ADGRV1: variants seen among roughly 807,000 people sequenced by gnomAD.
The protein encoded by ADGRV1 is G-protein coupled receptor 98.
A neutral mutation model predicts 596.2 loss-of-function variants in ADGRV1; 359 were observed. The ratio of observed to expected loss-of-function variants is 0.60; its 90% CI spans 0.55 to 0.66. The LOEUF (loss-of-function observed/expected upper bound fraction) is 0.66. Ranked by LOEUF, ADGRV1 falls within the 30% of genes least tolerant of loss-of-function variation. ADGRV1 has a pLI of 0.00. For synonymous variants in ADGRV1, 2,681 were observed against 2,679.2 expected (o/e 1.00, Z -0.02); for missense variants, 7,274 against 7,575.6 (o/e 0.96, Z 1.48).
chr5:90,866,542 G>A (rs1768130118), intron 83 of ADGRV1, among the ~76,000 whole-genome samples: 1 of 152,002 alleles, frequency 6.6e-6, no homozygotes, highest in African/African-American at 2.4e-5. Flanking sequence ...ATGGCGTTCA[G>A]TAAAAAACTT....
At chr5:90,739,678 G>T (rs1317243725) in intron 50 of ADGRV1, among the ~76,000 whole-genome samples, 2 of 152,202 alleles carry the variant, frequency 1.3e-5, no homozygotes, top group Admixed American at 1.3e-4. Context: ...GTTGTAGATT[G>T]TCTTCTCTGG....
chr5:91,080,893 A>AGAG (rs1789299466), intron 86 of ADGRV1, among the ~76,000 whole-genome samples: 1 of 152,226 alleles, frequency 6.6e-6, no homozygotes, highest in African/African-American at 2.4e-5. Context: ...TGTAATTGGT[A>AGAG]CAGAATGCAG....
At chr5:90,776,426 A>G (rs756159224) in intron 60 of ADGRV1, 27 bp from the exon 61 acceptor site, 5 of 1,593,986 alleles carry the variant, frequency 3.1e-6, no homozygotes, top group Middle Eastern at 1.7e-4. Flanking sequence ...ACCTGCTACA[A>G]AGTGGTCTAT....
intron 83 of ADGRV1, among the ~76,000 whole-genome samples, chr5:90,887,225 C>T (rs1187174116): frequency 3.9e-5 from 6 of 152,114 alleles, no homozygotes; most frequent in African/African-American, 1.2e-4. Flanking sequence ...GCCTTGGAAC[C>T]TTTGTGGGTG....
chr5:91,109,376 G>A (rs72784667), intron 87 of ADGRV1, among the ~76,000 whole-genome samples: 1,787 of 152,296 alleles, frequency 0.012, 22 homozygotes, highest in Non-Finnish European at 0.017. Flanking sequence ...ATGTGAGCAT[G>A]ATCATGATAA....
chr5:90,814,989 C>CTT (rs1238899710), intron 74 of ADGRV1, among the ~76,000 whole-genome samples: 3 of 29,548 alleles, frequency 1.0e-4, no homozygotes, highest in African/African-American at 2.5e-4. Flanking sequence ...CCAGTTTAAA[C>CTT]ATTTTTTTTT....
chr5:90,654,201 A>G, intron 20 of ADGRV1: 1 of 499,380 alleles, frequency 2.0e-6, no homozygotes, highest in Non-Finnish European at 3.6e-6. Context: ...GATGTGTGAT[A>G]TATCACAATG....
chr5:90,958,553 T>C (rs1777707604), intron 83 of ADGRV1, among the ~76,000 whole-genome samples: 1 of 152,062 alleles, frequency 6.6e-6, no homozygotes, highest in African/African-American at 2.4e-5. Flanking sequence ...ACACTAATTT[T>C]CTCACAGTTT....
intron 73 of ADGRV1, among the ~76,000 whole-genome samples, chr5:90,808,301 T>TA (rs1263908825): frequency 2.5e-4 from 38 of 152,356 alleles, no homozygotes; most frequent in African/African-American, 8.7e-4. Context: ...AGGGCAGACC[T>TA]GCTATTCAGA....
At chr5:90,918,735 G>A (rs1188501342) in intron 83 of ADGRV1, among the ~76,000 whole-genome samples, 1 of 152,140 alleles carries the variant, frequency 6.6e-6, no homozygotes, top group Non-Finnish European at 1.5e-5. Flanking sequence ...TTCCTCCCAT[G>A]TATATTTACT....
intron 1 of ADGRV1, among the ~76,000 whole-genome samples, chr5:90,582,854 C>A (rs1202238437): frequency 6.6e-6 from 1 of 152,182 alleles, no homozygotes; most frequent in Non-Finnish European, 1.5e-5. Context: ...ACAGGTGCAA[C>A]CCTCCATGCC....
intron 83 of ADGRV1, among the ~76,000 whole-genome samples, chr5:90,880,190 A>T (rs1427344127): frequency 6.6e-6 from 1 of 152,118 alleles, no homozygotes; most frequent in Non-Finnish European, 1.5e-5. Flanking sequence ...TCTGCTCATG[A>T]TCCCATAGCT....
intron 85 of ADGRV1, among the ~76,000 whole-genome samples, chr5:91,005,828 GT>G (rs1782224409): frequency 6.6e-6 from 1 of 152,072 alleles, no homozygotes; most frequent in Non-Finnish European, 1.5e-5. Context: ...CTCAAAACCA[GT>G]TATATCATTT....
In ADGRV1 at chr5:90,627,744, G is replaced by A. The variant is rs2149377771; in HGVS notation, c.1206G>A (p.Arg402=). The A allele has an allele frequency of 6.3e-7, 1 of 1,578,456 alleles. No homozygotes were observed. The highest frequency in any genetic ancestry group is 8.6e-7 in the Non-Finnish European group (1 of 1,161,992). Residue 402 remains arginine (R), a synonymous_variant, in exon 7 of 90, where the codon AGG becomes AGA. Transcript: ENST00000405460. ...CATTCAACAGTGTTTTGTTTGAAAG[G>A]ACAGTTATAATTGATGAAGATAGAA... ...VLSFNSVLFE[R]TVIIDEDRIS...
chr5:90,891,996 A>C (rs1201691135), intron 83 of ADGRV1, among the ~76,000 whole-genome samples: 1 of 151,964 alleles, frequency 6.6e-6, no homozygotes, highest in African/African-American at 2.4e-5. Flanking sequence ...ATGCACTTTA[A>C]GTTTCATCCT....
At chr5:90,618,808 T>C (rs1254480466) in intron 3 of ADGRV1, among the ~76,000 whole-genome samples, 1 of 151,814 alleles carries the variant, frequency 6.6e-6, no homozygotes, top group Non-Finnish European at 1.5e-5. Flanking sequence ...TAATTTATAA[T>C]ATAGTATTAT....
At chr5:90,725,442 AT>A in intron 47 of ADGRV1, 106 bp from the exon 48 acceptor site, 1 of 751,422 alleles carries the variant, frequency 1.3e-6, no homozygotes, top group Non-Finnish European at 2.2e-6. Context: ...TGGTATTAAA[AT>A]TTTTTAAGTC....
chr5:91,135,321 C>T (rs1484330535), intron 87 of ADGRV1, among the ~76,000 whole-genome samples: 1 of 152,106 alleles, frequency 6.6e-6, no homozygotes, highest in Non-Finnish European at 1.5e-5. Context: ...CATGCACACG[C>T]ATACATACAT....
chr5:90,995,994 A>T (rs1038873229), intron 85 of ADGRV1, among the ~76,000 whole-genome samples: 3 of 152,252 alleles, frequency 2.0e-5, no homozygotes, highest in African/African-American at 4.8e-5. Context: ...GCTCATTTGC[A>T]TAAAGAAATG....
Sources: allele counts gnomAD v4.1 joint callset (sites outside exome capture counted in the v4.1 genomes callset), GRCh38; gene constraint gnomAD v4.1.1; transcripts MANE v1.5; gene names NCBI Gene and HGNC (gene_info 2026-07-23, HGNC 2026-07-21).